Variants in FAM83C observed in about 807,000 individuals in gnomAD.
FAM83C encodes scaffolding CK1 anchoring protein C.
FAM83C carries 23 observed loss-of-function variants against 27.1 expected under a neutral mutation model. The observed-to-expected ratio is 0.85, with a 90% CI of 0.61 to 1.20. FAM83C has a LOEUF of 1.20. Ranked by LOEUF, FAM83C falls within the 50% of genes most tolerant of loss-of-function variation. The probability of loss-of-function intolerance (pLI) is 0.00; values close to 1 mark genes in which losing one functional copy is unlikely to be tolerated. For synonymous variants in FAM83C, 426 were observed against 423.1 expected, an observed-to-expected ratio of 1.01 and a Z score of -0.09; for missense variants, 984 against 1,001.3, an observed-to-expected ratio of 0.98 and a Z score of 0.23.
rs1358808278 is a variant in FAM83C at position 35,286,914 on chromosome 20, G to A, written c.1865C>T (p.Ala622Val). The change falls in exon 4 of 4, where the codon GCA becomes GTA. Residue 622 changes from alanine (A) to valine (V), a missense_variant. Ala to Val is a moderately conservative substitution (Grantham distance 64). Coordinates refer to ENST00000374408, the MANE Select transcript of FAM83C (RefSeq NM_178468.6). Reference sequence around the variant, plus strand: ...CAGGGTCTGCCGCCGCTCATCTGGTGCCCGTCTGGCAGGTCTGGCTGAGGA... The same window carrying A: ...CAGGGTCTGCCGCCGCTCATCTGGTACCCGTCTGGCAGGTCTGGCTGAGGA... ...TNSSARPARRAPDERRQTLGH... is the reference protein window; with the variant it reads ...TNSSARPARRVPDERRQTLGH... The A allele has an allele frequency of 6.2e-7, 1 of 1,614,136 alleles. No individual in the cohort carries two copies. Among genetic ancestry groups the A allele is most frequent in the South Asian group, 1.1e-5 (1 of 91,084 alleles).
chr20:35,288,535 G>A lies in FAM83C; in HGVS notation c.732C>T (p.Gly244=). ...TCGDTYCSKA[G]RRFTGQALEK... ...CCAGGGCCTGCCCCGTGAAGCGGCG[G>A]CCAGCCTTGCTGCAGTATGTGTCCC... Residue 244 remains glycine (G), a synonymous_variant, in exon 3 of 4, where the codon GGC becomes GGT. Coordinates refer to ENST00000374408, the MANE Select transcript of FAM83C (RefSeq NM_178468.6). 1 of 1,614,208 alleles carries A rather than the reference G, an allele frequency of 6.2e-7. No individual in the cohort carries two copies. The highest frequency in any genetic ancestry group is 8.5e-7 in the Non-Finnish European group (1 of 1,180,018).
Position 35,287,887 on chromosome 20 carries a change from G to T in FAM83C, c.892C>A (p.Arg298Ser). ...GGCTGCGACTCAGCGTACAGACAGC[G>T]GAACTCCCGGTCAAAGTCTTCCACG... ...RIVEDFDREFRCLYAESQPVE... is the reference protein window; with the variant it reads ...RIVEDFDREFSCLYAESQPVE... Residue 298 changes from arginine to serine, a missense_variant, in exon 4 of 4, where the codon CGC becomes AGC. Coordinates refer to ENST00000374408, the MANE Select transcript of FAM83C (RefSeq NM_178468.6). 1 of 1,558,838 alleles carries T rather than the reference G, an allele frequency of 6.4e-7. No homozygotes were observed. Among genetic ancestry groups the T allele is most frequent in the East Asian group, 2.4e-5 (1 of 41,478 alleles).
At position 35,286,689 on chromosome 20, in the gene FAM83C, T is replaced by A. The variant is rs750675014; in HGVS notation, c.2090A>T (p.Glu697Val). Reference protein sequence around the residue: ...HQLHGARQGTEPGGPKGGHLN... With the variant: ...HQLHGARQGTVPGGPKGGHLN... ...ATGGCCACCCTTGGGACCCCCAGGCTCAGTTCCCTGCCTGGCCCCGTGCAA... is the reference window on the plus strand; with the variant it reads ...ATGGCCACCCTTGGGACCCCCAGGCACAGTTCCCTGCCTGGCCCCGTGCAA... Residue 697 changes from glutamate (E) to valine (V), a missense_variant, in exon 4 of 4, where the codon GAG (glutamate) becomes GTG (valine). By Grantham distance (121) the Glu-to-Val change is moderately radical (BLOSUM62 -2). Transcript: ENST00000374408. 21 of 1,613,602 alleles carry A rather than the reference T, an allele frequency of 1.3e-5. No homozygotes were observed. Among genetic ancestry groups the A allele is most frequent in the South Asian group, 9.9e-5 (9 of 91,052 alleles).
rs772295851 is a variant in FAM83C, at chr20:35,287,631, G to A, written c.1148C>T (p.Pro383Leu). 1.2e-6 allele frequency: 2 copies of A among 1,613,984 alleles called. No homozygotes were observed. The highest frequency in any genetic ancestry group is 1.7e-6 in the Non-Finnish European group (2 of 1,179,920). The change falls in exon 4 of 4, where the codon CCT becomes CTT. Residue 383 changes from proline (P) to leucine (L), a missense_variant. Coordinates refer to ENST00000374408, the MANE Select transcript of FAM83C (RefSeq NM_178468.6). The part of the protein sequence containing the change: ...DTGVVSSSLG[P>L]ARREASGQPS... ...CTGGCCACTGGCCTCACGGCGGGCA[G>A]GACCCAGGGACGAGGACACCACACC...
intron 1 of FAM83C, 59 bp from the exon 2 acceptor site, chr20:35,289,017 C>G: frequency 6.4e-7 from 1 of 1,558,412 alleles, no homozygotes. Context: ...CCACATCCAG[C>G]CAAACCTGGG....
Position 35,287,524 on chromosome 20 carries a change from C to T in FAM83C, c.1255G>A (p.Ala419Thr). Reference protein sequence around the residue: ...LYRANLGKLGAYPWSQSSPAL... With the variant: ...LYRANLGKLGTYPWSQSSPAL... ...GGGGAGGACTGGGACCATGGGTATG[C>T]CCCTAGCTTGCCGAGATTGGCCCTA... Residue 419 changes from alanine (A) to threonine (T), a missense_variant, in exon 4 of 4, where the codon GCA becomes ACA. Ala to Thr is a moderately conservative substitution (Grantham distance 58). Transcript: ENST00000374408. 6.2e-7 allele frequency: 1 copy of T among 1,614,132 alleles called. No homozygotes were observed. Among genetic ancestry groups the T allele is most frequent in the Non-Finnish European group, 8.5e-7 (1 of 1,180,008 alleles).
chr20:35,292,217 A>G lies in FAM83C; in HGVS notation c.88T>C (p.Trp30Arg), dbSNP rs1324469373. The G allele has an allele frequency of 1.3e-6, 2 of 1,589,782 alleles. No homozygotes were observed. The highest frequency in any genetic ancestry group is 2.7e-5 in the African/African-American group (2 of 74,694). The change falls in exon 1 of 4, where the codon TGG (tryptophan) becomes CGG (arginine). Residue 30 changes from tryptophan to arginine, a missense_variant. Coordinates refer to ENST00000374408, the MANE Select transcript of FAM83C (RefSeq NM_178468.6). Reference sequence around the variant, plus strand: ...ACCAGCGGTGAGCTCTCCCGCCACCACGGCAGCTTCAGCTCTTCCACCCGG... The same window carrying G: ...ACCAGCGGTGAGCTCTCCCGCCACCGCGGCAGCTTCAGCTCTTCCACCCGG... ...RGRVEELKLP[W>R]WRESSPLVLR...
At position 35,287,127 on chromosome 20, in the gene FAM83C, G is replaced by A; in HGVS notation, c.1652C>T (p.Ala551Val). Reference protein sequence around the residue: ...PEDRRLSPSQADSQLDLLSRA... With the variant: ...PEDRRLSPSQVDSQLDLLSRA... ...GGACAGGAGATCCAGCTGGCTGTCG[G>A]CCTGGCTTGGGGACAACCTCCTGTC... Residue 551 changes from alanine to valine, a missense_variant, in exon 4 of 4, where the codon GCC becomes GTC. Coordinates refer to ENST00000374408, the MANE Select transcript of FAM83C (RefSeq NM_178468.6). 1 of 1,603,688 alleles carries A rather than the reference G, an allele frequency of 6.2e-7. No homozygotes were observed. The highest frequency in any genetic ancestry group is 8.5e-7 in the Non-Finnish European group (1 of 1,178,306).
chr20:35,286,600 G>C lies in FAM83C; in HGVS notation c.2179C>G (p.Leu727Val). 6.2e-7 allele frequency: 1 copy of C among 1,614,186 alleles called. No individual in the cohort carries two copies. Among genetic ancestry groups the C allele is most frequent in the Non-Finnish European group, 8.5e-7 (1 of 1,180,034 alleles). ...EKRLTLGHSK[L>V]DLITKYNKSK... ...TTGTTGTACTTAGTGATGAGGTCCA[G>C]TTTGCTGTGACCCAGGGTCAGCCGT... The change falls in exon 4 of 4, where the codon CTG (leucine) becomes GTG (valine). Residue 727 changes from leucine (L) to valine (V), a missense_variant. Transcript: ENST00000374408.
At chr20:35,288,703 C>A in intron 2 of FAM83C, 88 bp downstream of exon 2, 2 of 1,550,576 alleles carry the variant, frequency 1.3e-6, no homozygotes, top group South Asian at 1.2e-5. Context: ...CCCAGTGCCC[C>A]CCAGTGCTGA....
rs988574865 is a variant in FAM83C, at chr20:35,286,779, G to A, written c.2000C>T (p.Ser667Phe). 5 of 1,614,154 alleles carry A rather than the reference G, an allele frequency of 3.1e-6. No individual in the cohort carries two copies. Among genetic ancestry groups the A allele is most frequent in the Non-Finnish European group, 4.2e-6 (5 of 1,180,026 alleles). Reference sequence around the variant, plus strand: ...CAGGGTTAGCCGTTTCTCATCCCCAGACCCAGCTCCAGCCGTGCGAGCAGG... The same window carrying A: ...CAGGGTTAGCCGTTTCTCATCCCCAAACCCAGCTCCAGCCGTGCGAGCAGG... ...SSPARTAGAGSGDEKRLTLGH... is the reference protein window; with the variant it reads ...SSPARTAGAGFGDEKRLTLGH... Residue 667 changes from serine (S) to phenylalanine (F), a missense_variant, in exon 4 of 4, where the codon TCT becomes TTT. By Grantham distance (155) the Ser-to-Phe change is radical. Transcript: ENST00000374408.
Position 35,292,153 on chromosome 20 carries a change from G to A in FAM83C, c.152C>T (p.Ala51Val). 1 of 1,598,346 alleles carries A rather than the reference G, an allele frequency of 6.3e-7. No individual in the cohort carries two copies. The part of the protein sequence containing the change: ...HSEAARLAAD[A>V]LLERGEAAYL... ...GGCAGCCTCACCCCGCTCCAGGAGG[G>A]CGTCGGCCGCCAGCCGAGCCGCCTC... is the stretch of plus-strand genomic sequence containing the variant. The change falls in exon 1 of 4, where the codon GCC (alanine) becomes GTC (valine). Residue 51 changes from alanine to valine, a missense_variant. Physicochemically the swap from Ala to Val is moderately conservative, Grantham distance 64 (BLOSUM62 0). Transcript: ENST00000374408.
intron 2 of FAM83C, 39 bp downstream of exon 2, chr20:35,288,752 C>A: frequency 1.3e-6 from 2 of 1,574,124 alleles, no homozygotes; most frequent in East Asian, 2.3e-5. Context: ...CCTGACTCCC[C>A]GCCCACACCC....
Position 35,292,345 on chromosome 20 carries a change from G to GC in FAM83C, c.-42dup. The GC allele has an allele frequency of 6.9e-7, 1 of 1,444,750 alleles. No homozygotes were observed. Among genetic ancestry groups the GC allele is most frequent in the Non-Finnish European group, 9.0e-7 (1 of 1,106,450 alleles). The allele number at this position is 1,444,750 out of a possible 1,614,324, so 89.5% of individuals were successfully genotyped here. A position where few individuals can be genotyped will look rare whatever the true frequency, so the allele number is the denominator to read the frequency against. On this transcript the variant is annotated 5_prime_UTR_variant, in exon 1 of 4. Coordinates refer to ENST00000374408, the MANE Select transcript of FAM83C (RefSeq NM_178468.6). Reference sequence around the variant, plus strand: ...GCCTCACCCGCCGGCAGGGCCCATGGCCCGCACGCTGGGCTGGCTGCAGCA... The same window carrying GC: ...GCCTCACCCGCCGGCAGGGCCCATGGCCCCGCACGCTGGGCTGGCTGCAGCA...
chr20:35,292,188 C>T lies in FAM83C; in HGVS notation c.117G>A (p.Leu39=). The T allele has an allele frequency of 6.3e-7, 1 of 1,595,864 alleles. No homozygotes were observed. The highest frequency in any genetic ancestry group is 8.5e-7 in the Non-Finnish European group (1 of 1,178,730). ...CCAGCCGAGCCGCCTCGCTGTGCCGCAGCACCAGCGGTGAGCTCTCCCGCC... is the reference window on the plus strand; with the variant it reads ...CCAGCCGAGCCGCCTCGCTGTGCCGTAGCACCAGCGGTGAGCTCTCCCGCC... ...PWWRESSPLV[L]RHSEAARLAA... is the part of the protein sequence containing the mutation. Residue 39 remains leucine, a synonymous_variant, in exon 1 of 4, where the codon CTG becomes CTA. Coordinates refer to ENST00000374408, the MANE Select transcript of FAM83C (RefSeq NM_178468.6).
chr20:35,288,342 G>A, intron 3 of FAM83C, 119 bp downstream of exon 3: 1 of 1,525,786 alleles, frequency 6.6e-7, no homozygotes. Flanking sequence ...CTGGCATGAT[G>A]CCTGGCACAT....
Position 35,288,441 on chromosome 20 carries a change from G to A in FAM83C, c.806+20C>T. 1 of 1,613,320 alleles carries A rather than the reference G, an allele frequency of 6.2e-7. No homozygotes were observed. Among genetic ancestry groups the A allele is most frequent in the East Asian group, 2.2e-5 (1 of 44,874 alleles). On this transcript the variant is annotated intron_variant, in intron 3 of 3. Coordinates refer to ENST00000374408, the MANE Select transcript of FAM83C (RefSeq NM_178468.6). ...AGTGATGCAGCCCCAGGCCCCCCTT[G>A]CCTCCTCGTGCCTGCTCACCTGTAA... is the stretch of plus-strand genomic sequence containing the variant.
chr20:35,286,907 A>C lies in FAM83C; in HGVS notation c.1872T>G (p.Asp624Glu), dbSNP rs554742118. Residue 624 changes from aspartate to glutamate, a missense_variant, in exon 4 of 4, where the codon GAT becomes GAG. Physicochemically the swap from Asp to Glu is conservative, Grantham distance 45 (BLOSUM62 2). Transcript: ENST00000374408. ...TGTGCCCCAGGGTCTGCCGCCGCTCATCTGGTGCCCGTCTGGCAGGTCTGG... is the reference window on the plus strand; with the variant it reads ...TGTGCCCCAGGGTCTGCCGCCGCTCCTCTGGTGCCCGTCTGGCAGGTCTGG... The part of the protein sequence containing the change: ...SSARPARRAP[D>E]ERRQTLGHSQ... 6.2e-7 allele frequency: 1 copy of C among 1,614,122 alleles called. No homozygotes were observed. The highest frequency in any genetic ancestry group is 2.2e-5 in the East Asian group (1 of 44,880).
intron 1 of FAM83C, among the ~76,000 whole-genome samples, chr20:35,290,320 C>T (rs1011064302): frequency 6.6e-6 from 1 of 152,228 alleles, no homozygotes; most frequent in Admixed American, 6.5e-5. Context: ...CTATGAGAGT[C>T]TTCTCTCCCA....
Sources: gnomAD v4.1 joint callset for allele counts (sites outside exome capture counted in the v4.1 genomes callset) on GRCh38, gnomAD v4.1.1 for gene constraint, MANE v1.5 for transcripts, NCBI Gene and HGNC (gene_info 2026-07-23, HGNC 2026-07-21) for gene names.